The following CDC40 variants were observed in gnomAD, a reference collection of about 807,000 sequenced individuals.
CDC40 encodes the protein cell division cycle 40.
In CDC40, 27 loss-of-function variants were observed where a neutral mutation model predicts 80.6. The observed-to-expected ratio is 0.33, with a 90% CI of 0.25 to 0.46. The LOEUF (loss-of-function observed/expected upper bound fraction) is 0.46. Among genes scored for constraint, CDC40 ranks in the 20% least tolerant of loss-of-function variants. The pLI is 1.00. For synonymous variants in CDC40, 221 were observed against 232.6 expected (o/e 0.95, Z 0.45); for missense variants, 486 against 694.1 (o/e 0.70, Z 3.37).
intron 5 of CDC40, 88 bp from the exon 6 acceptor site, chr6:110,210,619 G>T: frequency 7.1e-5 from 28 of 396,298 alleles, no homozygotes; most frequent in South Asian, 9.6e-5. Flanking sequence ...CAGATATGTA[G>T]AAGTCATTAT....
At chr6:110,198,648 T>G (rs1777450826) in intron 2 of CDC40, among the ~76,000 whole-genome samples, 1 of 152,252 alleles carries the variant, frequency 6.6e-6, no homozygotes, top group Admixed American at 6.5e-5. Flanking sequence ...TAAATGTGTA[T>G]GTTTTATGTA....
intron 1 of CDC40, among the ~76,000 whole-genome samples, chr6:110,191,743 G>C (rs911087198): frequency 3.3e-5 from 5 of 152,156 alleles, no homozygotes. Flanking sequence ...GTGAGCACAG[G>C]CATAGTGCTA....
At position 110,213,104 on chromosome 6, in the gene CDC40, T is replaced by C. The variant is rs1262935571; in HGVS notation, c.886T>C (p.Leu296=). ...TTTATAGGGCGTCAGTGCAGTCAGATTGTTTCCTCTCTCTGGCCATTTATT... is the reference window on the plus strand; with the variant it reads ...TTTATAGGGCGTCAGTGCAGTCAGACTGTTTCCTCTCTCTGGCCATTTATT... ...GHTKGVSAVR[L]FPLSGHLLLS... Residue 296 remains leucine, a synonymous_variant, in exon 8 of 15, where the codon TTG becomes CTG. Transcript: ENST00000307731. 1 of 1,610,812 alleles carries C rather than the reference T, an allele frequency of 6.2e-7. No homozygotes were observed. Among genetic ancestry groups the C allele is most frequent in the Non-Finnish European group, 8.5e-7 (1 of 1,177,054 alleles).
In CDC40 at chr6:110,180,498, C is replaced by T. The variant is rs1777165080; in HGVS notation, c.54C>T (p.Ser18=). 1 of 1,614,190 alleles carries T rather than the reference C, an allele frequency of 6.2e-7. No homozygotes were observed. Among genetic ancestry groups the T allele is most frequent in the Non-Finnish European group, 8.5e-7 (1 of 1,180,040 alleles). The change falls in exon 1 of 15, where the codon TCC becomes TCT. Residue 18 remains serine, a synonymous_variant. Coordinates refer to ENST00000307731, the MANE Select transcript of CDC40 (RefSeq NM_015891.3). ...LAASYGSGSG[S]ESDSDSESSR... Reference sequence around the variant, plus strand: ...CTTCCTATGGTTCGGGTTCAGGGTCCGAATCGGACTCGGACAGTGAGAGCA... The same window carrying T: ...CTTCCTATGGTTCGGGTTCAGGGTCTGAATCGGACTCGGACAGTGAGAGCA...
intron 3 of CDC40, among the ~76,000 whole-genome samples, chr6:110,202,287 A>G (rs1039602625): frequency 1.3e-5 from 2 of 152,214 alleles, no homozygotes; most frequent in Non-Finnish European, 2.9e-5. Context: ...GAATGTACCA[A>G]ATATCACAGC....
chr6:110,189,670 G>A (rs1004451029), intron 1 of CDC40, among the ~76,000 whole-genome samples: 7 of 151,928 alleles, frequency 4.6e-5, no homozygotes, highest in Admixed American at 3.9e-4. Flanking sequence ...CCTTTATCTG[G>A]TCCTTTTTGT....
intron 2 of CDC40, among the ~76,000 whole-genome samples, chr6:110,197,063 A>T (rs1467981197): frequency 6.6e-6 from 1 of 152,136 alleles, no homozygotes; most frequent in African/African-American, 2.4e-5. Context: ...ATGCTGCTAA[A>T]ATGCTGACTC....
At chr6:110,223,485 A>G (rs1169802014) in intron 12 of CDC40, among the ~76,000 whole-genome samples, 1 of 152,172 alleles carries the variant, frequency 6.6e-6, no homozygotes, top group Non-Finnish European at 1.5e-5. Context: ...AAACCAACTC[A>G]GGATCCCCGG....
In CDC40 at chr6:110,209,129, A is replaced by G; in HGVS notation, c.536A>G (p.Lys179Arg). The change falls in exon 5 of 15, where the codon AAA becomes AGA. Residue 179 changes from lysine (K) to arginine (R), a missense_variant. Lys to Arg is a conservative substitution (Grantham distance 26, BLOSUM62 2). Coordinates refer to ENST00000307731, the MANE Select transcript of CDC40 (RefSeq NM_015891.3). Reference protein sequence around the residue: ...ETGQKKTEKRKKFKENDASNI... With the variant: ...ETGQKKTEKRRKFKENDASNI... ...GGTCAGAAGAAAACAGAAAAGAGGA[A>G]AAAGTTTAAAGAAAATGATGCATCC... The G allele has an allele frequency of 1.0e-5, 16 of 1,603,116 alleles. No individual in the cohort carries two copies. The highest frequency in any genetic ancestry group is 1.3e-5 in the Non-Finnish European group (15 of 1,170,286).
At chr6:110,214,008 A>G (rs1426258478) in intron 8 of CDC40, among the ~76,000 whole-genome samples, 2 of 152,154 alleles carry the variant, frequency 1.3e-5, no homozygotes, top group Non-Finnish European at 2.9e-5. Context: ...TACCAACCCT[A>G]TAGTGCTCTT....
intron 12 of CDC40, 53 bp downstream of exon 12, chr6:110,219,922 T>C (rs1170282564): frequency 6.4e-7 from 1 of 1,567,632 alleles, no homozygotes; most frequent in Admixed American, 1.9e-5. Flanking sequence ...CAGTTAAAAA[T>C]TATATAGACA....
chr6:110,207,281 C>G (rs1669326261), intron 3 of CDC40, among the ~76,000 whole-genome samples: 1 of 146,442 alleles, frequency 6.8e-6, no homozygotes, highest in African/African-American at 2.5e-5. Flanking sequence ...CACCACTGCA[C>G]TCCAGCCTGG....
rs573287553 is a variant in CDC40, at chr6:110,220,666, C to T, written c.1340+797C>T. Reference sequence around the variant, plus strand: ...TTCACTGTGTTAGCCAGGATGGTCTCGATTTCCTGACCTTATGATCCGCCC... The same window carrying T: ...TTCACTGTGTTAGCCAGGATGGTCTTGATTTCCTGACCTTATGATCCGCCC... On this transcript the variant is annotated intron_variant, in intron 12 of 14. Transcript: ENST00000307731. 7.7e-4 allele frequency among the ~76,000 whole-genome samples: 117 copies of T among 152,102 alleles called. 2 individuals are homozygous for T. The highest frequency in any genetic ancestry group is 2.7e-3 in the African/African-American group (110 of 41,480).
chr6:110,180,834 C>G (rs1359141890), intron 1 of CDC40, among the ~76,000 whole-genome samples: 1 of 152,220 alleles, frequency 6.6e-6, no homozygotes, highest in African/African-American at 2.4e-5. Context: ...GCTCTCTGCC[C>G]TTGCCTCCCG....
At chr6:110,219,691 T>C in intron 11 of CDC40, 45 bp from the exon 12 acceptor site, 7 of 1,591,408 alleles carry the variant, frequency 4.4e-6, no homozygotes, top group Non-Finnish European at 5.1e-6. Flanking sequence ...CTTTCATAAA[T>C]CCACTCTACT....
At chr6:110,203,567 A>G (rs1777519971) in intron 3 of CDC40, among the ~76,000 whole-genome samples, 1 of 152,310 alleles carries the variant, frequency 6.6e-6, no homozygotes, top group African/African-American at 2.4e-5. Flanking sequence ...TAATACAAAT[A>G]TTTATTTTAA....
chr6:110,222,753 A>C (rs1351017066), intron 12 of CDC40, among the ~76,000 whole-genome samples: 1 of 152,180 alleles, frequency 6.6e-6, no homozygotes, highest in Admixed American at 6.5e-5. Flanking sequence ...GTTCTTAACC[A>C]TGAGAGAAAG....
At chr6:110,199,745 C>A (rs1177810387) in intron 2 of CDC40, among the ~76,000 whole-genome samples, 1 of 152,004 alleles carries the variant, frequency 6.6e-6, no homozygotes, top group Non-Finnish European at 1.5e-5. Context: ...AATGATTGGT[C>A]ATCTGTTATT....
intron 1 of CDC40, among the ~76,000 whole-genome samples, chr6:110,186,220 A>G (rs1777267994): frequency 6.6e-6 from 1 of 152,156 alleles, no homozygotes; most frequent in South Asian, 2.1e-4. Context: ...CTGGTGGCAA[A>G]TGCTTTCAGT....
Sources: allele counts gnomAD v4.1 joint callset (sites outside exome capture counted in the v4.1 genomes callset), GRCh38; gene constraint gnomAD v4.1.1; transcripts MANE v1.5; gene names NCBI Gene and HGNC (gene_info 2026-07-23, HGNC 2026-07-21).